Variants in MGLL observed in about 807,000 individuals in gnomAD.
The protein encoded by MGLL is monoglyceride lipase, also known as lysophospholipase homolog.
MGLL carries 7 observed loss-of-function variants against 29.1 expected under a neutral mutation model. The ratio of observed to expected loss-of-function variants is 0.24; its 90% confidence interval spans 0.14 to 0.45. MGLL has a LOEUF of 0.45. Ranked by LOEUF, MGLL falls within the 20% of genes least tolerant of loss-of-function variation. The probability of loss-of-function intolerance (pLI) is 0.99; values close to 1 mark genes in which losing one functional copy is unlikely to be tolerated. For missense variants in MGLL, 356 were observed against 413.6 expected, an observed-to-expected ratio of 0.86 and a Z score of 1.21; for synonymous variants, 148 against 168.3, an observed-to-expected ratio of 0.88 and a Z score of 0.93.
intron 3 of MGLL, among the ~76,000 whole-genome samples, chr3:127,734,835 A>T (rs1042026940): frequency 6.6e-6 from 1 of 152,194 alleles, no homozygotes; most frequent in Admixed American, 6.5e-5. Flanking sequence ...GGCTCTGGAG[A>T]GATGGGAGCC....
intron 2 of MGLL, 78 bp from the exon 3 acceptor site, chr3:127,781,973 C>T: frequency 1.4e-6 from 2 of 1,397,282 alleles, no homozygotes; most frequent in Non-Finnish European, 2.0e-6. Context: ...ACAATTCCAG[C>T]ACTTTGGGAG....
At chr3:127,807,849 C>T (rs1428407373) in intron 2 of MGLL, among the ~76,000 whole-genome samples, 2 of 149,412 alleles carry the variant, frequency 1.3e-5, no homozygotes, top group Non-Finnish European at 3.0e-5. Context: ...GCAAGCTCCG[C>T]CTCCTGGGTT....
chr3:127,773,552 G>A (rs1355606229), intron 3 of MGLL, among the ~76,000 whole-genome samples: 1 of 152,228 alleles, frequency 6.6e-6, no homozygotes, highest in African/African-American at 2.4e-5. Flanking sequence ...GACACAGGCT[G>A]TGCCGGGCTG....
At chr3:127,773,544 C>T (rs2076983682) in intron 3 of MGLL, among the ~76,000 whole-genome samples, 1 of 152,360 alleles carries the variant, frequency 6.6e-6, no homozygotes, top group East Asian at 1.9e-4. Flanking sequence ...GTAGGGTGGA[C>T]ACAGGCTGTG....
intron 3 of MGLL, among the ~76,000 whole-genome samples, chr3:127,740,408 G>A (rs995275958): frequency 1.3e-5 from 2 of 151,872 alleles, no homozygotes; most frequent in African/African-American, 4.8e-5. Flanking sequence ...TCATGTAGGT[G>A]GAATCATAGA....
At chr3:127,778,910 C>T (rs1559964452) in intron 3 of MGLL, among the ~76,000 whole-genome samples, 2 of 152,020 alleles carry the variant, frequency 1.3e-5, no homozygotes, top group Non-Finnish European at 2.9e-5. Context: ...TACCATGGGG[C>T]CCAGCTAATT....
At chr3:127,821,899 A>G (rs2077868172) in intron 1 of MGLL, 61 bp from the exon 2 acceptor site, 1 of 1,550,050 alleles carries the variant, frequency 6.5e-7, no homozygotes, top group Admixed American at 1.9e-5. Context: ...TATGGATAGG[A>G]GAGAAAAGTC....
intron 5 of MGLL, among the ~76,000 whole-genome samples, chr3:127,717,357 G>A (rs1240519097): frequency 6.6e-6 from 1 of 152,176 alleles, no homozygotes; most frequent in Non-Finnish European, 1.5e-5. Flanking sequence ...GGTGAAAGGG[G>A]GTATCCTGGC....
intron 5 of MGLL, chr3:127,715,901 C>A: frequency 2.2e-6 from 1 of 447,752 alleles, no homozygotes; most frequent in Non-Finnish European, 4.5e-6. Flanking sequence ...ATGCCTTTTC[C>A]ATCAAGTGTT....
chr3:127,785,214 T>G (rs2077192774), intron 2 of MGLL, among the ~76,000 whole-genome samples: 1 of 152,112 alleles, frequency 6.6e-6, no homozygotes, highest in Non-Finnish European at 1.5e-5. Context: ...ACACACCTGC[T>G]GCAGGTGGAG....
At chr3:127,773,392 A>G (rs7648644) in intron 3 of MGLL, among the ~76,000 whole-genome samples, 8,037 of 152,302 alleles carry the variant, frequency 0.053, 681 homozygotes, top group African/African-American at 0.18. Context: ...CAACAGTCTC[A>G]CCTCCTGGCA....
intron 2 of MGLL, among the ~76,000 whole-genome samples, chr3:127,800,049 T>C (rs2077449573): frequency 6.6e-6 from 1 of 152,222 alleles, no homozygotes; most frequent in Non-Finnish European, 1.5e-5. Context: ...AAGTGACGTA[T>C]GCAATTTCTA....
At chr3:127,708,086 G>A (rs1071912) in intron 6 of MGLL, among the ~76,000 whole-genome samples, 68,182 of 152,020 alleles carry the variant, frequency 0.45, 15,490 homozygotes, top group Middle Eastern at 0.63. Context: ...ATTTCTTTTT[G>A]GTTTGAGGCT....
At chr3:127,789,825 AAAAC>A (rs1309425016) in intron 2 of MGLL, among the ~76,000 whole-genome samples, 1 of 152,244 alleles carries the variant, frequency 6.6e-6, no homozygotes, top group Admixed American at 6.5e-5. Context: ...TAACCATAAT[AAAAC>A]AAAGTCACAG....
chr3:127,739,944 T>C (rs903442824), intron 3 of MGLL, among the ~76,000 whole-genome samples: 3 of 152,160 alleles, frequency 2.0e-5, no homozygotes, highest in African/African-American at 7.2e-5. Context: ...AATGCAGGTG[T>C]GGGCCTGGGG....
At chr3:127,803,066 G>A (rs141175230) in intron 2 of MGLL, among the ~76,000 whole-genome samples, 2,738 of 151,806 alleles carry the variant, frequency 0.018, 84 homozygotes, top group African/African-American at 0.062. Context: ...TGCAACCTCC[G>A]CCTCCTGGGT....
intron 3 of MGLL, among the ~76,000 whole-genome samples, chr3:127,751,329 G>C (rs2076554675): frequency 6.6e-6 from 1 of 151,640 alleles, no homozygotes; most frequent in Non-Finnish European, 1.5e-5. Context: ...GACTCACTCG[G>C]ACCAACACAA....
At chr3:127,750,678 A>G (rs1023746369) in intron 3 of MGLL, among the ~76,000 whole-genome samples, 1 of 152,064 alleles carries the variant, frequency 6.6e-6, no homozygotes. Context: ...CAAAATGGGT[A>G]CTGTTTTTCT....
Position 127,761,117 on chromosome 3 carries a change from A to C in MGLL, c.262+20672T>G, listed in dbSNP as rs1334640317. Among the ~76,000 whole-genome samples the C allele has an allele frequency of 6.6e-6, 1 of 152,246 alleles. No individual in the cohort carries two copies. The highest frequency in any genetic ancestry group is 1.5e-5 in the Non-Finnish European group (1 of 68,040). On this transcript the variant is annotated intron_variant, in intron 3 of 7. Transcript: ENST00000265052. The surrounding 1 kb of genome is among the most constrained non-coding windows in gnomAD (Gnocchi z 4.6). ...GTAATTCTGCAAGCCTTCACTGAGCAGCTGCTATGAGCAAGGTGCCACACA... is the reference window on the plus strand; with the variant it reads ...GTAATTCTGCAAGCCTTCACTGAGCCGCTGCTATGAGCAAGGTGCCACACA...
Sources: allele counts gnomAD v4.1 joint callset (sites outside exome capture counted in the v4.1 genomes callset), GRCh38; gene constraint gnomAD v4.1.1; non-coding constraint Gnocchi (gnomAD v3.1); transcripts MANE v1.5; gene names NCBI Gene and HGNC (gene_info 2026-07-23, HGNC 2026-07-21).